CLK1: variants seen among roughly 807,000 people sequenced by gnomAD.
The protein encoded by CLK1 is dual specificity protein kinase CLK1.
CLK1 carries 40 observed loss-of-function variants against 60.9 expected under a neutral mutation model. The ratio of observed to expected loss-of-function variants is 0.66; its 90% CI spans 0.51 to 0.86. The LOEUF is 0.86. Ranked by LOEUF, CLK1 falls within the 40% of genes least tolerant of loss-of-function variation. The pLI is 0.00. For missense variants in CLK1, 563 were observed against 606.1 expected, an observed-to-expected ratio of 0.93 and a Z score of 0.75; for synonymous variants, 203 against 184.4, an observed-to-expected ratio of 1.10 and a Z score of -0.82.
chr2:200,863,956 C>G (rs576607024), intron 1 of CLK1: 4 of 937,114 alleles, frequency 4.3e-6, no homozygotes, highest in Non-Finnish European at 6.0e-6. Context: ...TCAAATACAC[C>G]CCAGCATTTC....
Position 200,864,562 on chromosome 2 carries a change from A to T in CLK1, c.-1+2T>A, listed in dbSNP as rs999740972. 1 of 274,764 alleles carries T rather than the reference A, an allele frequency of 3.6e-6. No individual in the cohort carries two copies. The highest frequency in any genetic ancestry group is 2.2e-5 in the African/African-American group (1 of 45,084). 17.0% of individuals were successfully genotyped at this position (274,764 alleles called of 1,614,324 possible). A position where few individuals can be genotyped will look rare whatever the true frequency, so the allele number is the denominator to read the frequency against. The stretch of plus-strand genomic sequence containing the variant: ...CCTAGTCCGCTCCCTCCTGCGTCTT[A>T]CCGTCCTGGACAAAGACTCCAAGTC... On this transcript the variant is annotated splice_donor_variant, in intron 1 of 12. Coordinates refer to ENST00000321356, the MANE Select transcript of CLK1 (RefSeq NM_004071.4). LOFTEE classifies it low-confidence loss of function (5UTR_SPLICE).
intron 1 of CLK1, among the ~76,000 whole-genome samples, chr2:200,863,446 T>G (rs1359737214): frequency 1.3e-5 from 2 of 152,040 alleles, no homozygotes; most frequent in East Asian, 1.9e-4. Flanking sequence ...TAGTCCCAAC[T>G]ACTCAGGAGG....
chr2:200,856,833 T>C (rs1263505951), intron 8 of CLK1, 22 bp from the exon 9 acceptor site: 2 of 1,612,576 alleles, frequency 1.2e-6, no homozygotes, highest in Non-Finnish European at 1.7e-6. Context: ...AAATGATGGT[T>C]AAGAAGGCAT....
intron 1 of CLK1, chr2:200,864,013 A>T (rs2039186441): frequency 7.0e-7 from 1 of 1,420,836 alleles, no homozygotes; most frequent in African/African-American, 1.5e-5. Flanking sequence ...ACCACTGAGG[A>T]CAAAGCCACT....
intron 10 of CLK1, 48 bp from the exon 11 acceptor site, chr2:200,854,743 GAC>G (rs768894843): frequency 2.2e-6 from 3 of 1,344,804 alleles, no homozygotes; most frequent in South Asian, 1.2e-5. Flanking sequence ...CACCAAAACA[GAC>G]ACAGTTAAAG....
chr2:200,863,673 G>C (rs1186649661), intron 1 of CLK1, among the ~76,000 whole-genome samples: 1 of 152,104 alleles, frequency 6.6e-6, no homozygotes, highest in African/African-American at 2.4e-5. Context: ...GCTTAATATG[G>C]TGAAACTCTG....
intron 1 of CLK1, among the ~76,000 whole-genome samples, chr2:200,862,805 T>C (rs1339562058): frequency 1.3e-5 from 2 of 152,244 alleles, no homozygotes; most frequent in East Asian, 3.8e-4. Context: ...TCTGAGTTGC[T>C]GACAGAATCA....
In CLK1 at chr2:200,857,995, T is replaced by C. The variant is rs751024688; in HGVS notation, c.643A>G (p.Thr215Ala). The change falls in exon 6 of 13, where the codon ACA (threonine) becomes GCA (alanine). Residue 215 changes from threonine to alanine, a missense_variant. By Grantham distance (58) the Thr-to-Ala change is moderately conservative. This residue lies in a region of CLK1 where 360 missense variants were observed against 407.0 expected (regional missense o/e 0.88). Coordinates refer to ENST00000321356, the MANE Select transcript of CLK1 (RefSeq NM_004071.4). The stretch of plus-strand genomic sequence containing the variant: ...TACAAAGTACTGTTGGGGTCTGTTG[T>C]ATTCAGATGTTCCAGAACTTGTATT... ...SEIQVLEHLN[T>A]TDPNSTFRCV... 1 of 1,613,976 alleles carries C rather than the reference T, an allele frequency of 6.2e-7. No individual in the cohort carries two copies. Among genetic ancestry groups the C allele is most frequent in the Non-Finnish European group, 8.5e-7 (1 of 1,179,870 alleles).
chr2:200,857,940 A>G, intron 6 of CLK1, 33 bp downstream of exon 6: 1 of 1,610,970 alleles, frequency 6.2e-7, no homozygotes, highest in Non-Finnish European at 8.5e-7. Context: ...AATATACCTG[A>G]TACCACTTCC....
intron 12 of CLK1, 133 bp downstream of exon 12, chr2:200,853,770 G>A: frequency 1.8e-6 from 1 of 546,522 alleles, no homozygotes; most frequent in Non-Finnish European, 3.1e-6. Flanking sequence ...AGCCTAGGAT[G>A]CAGAGGTTGC....
At chr2:200,862,924 C>G (rs2039164632) in intron 1 of CLK1, among the ~76,000 whole-genome samples, 1 of 151,468 alleles carries the variant, frequency 6.6e-6, no homozygotes, top group African/African-American at 2.4e-5. Context: ...CACCATCTTT[C>G]CAGTACCACT....
rs1559326829 is a variant in CLK1 at position 200,856,997 on chromosome 2, G to C, written c.833-12C>G. On this transcript the variant is annotated splice_polypyrimidine_tract_variant and intron_variant, in intron 7 of 12. Transcript: ENST00000321356. ...ATTACTGTGCAAAACTGAGAATAAA[G>C]AGAAAGTTGCTGTAATCAGAAAACA... 14 of 1,607,744 alleles carry C rather than the reference G, an allele frequency of 8.7e-6. No individual in the cohort carries two copies. The highest frequency in any genetic ancestry group is 1.1e-5 in the Non-Finnish European group (13 of 1,175,196).
intron 7 of CLK1, 36 bp from the exon 8 acceptor site, chr2:200,857,021 CACCAA>C (rs1188554337): frequency 7.1e-6 from 11 of 1,555,872 alleles, no homozygotes; most frequent in African/African-American, 1.4e-5. Flanking sequence ...AATCAGAAAA[CACCAA>C]ACCAAACCAA....
At chr2:200,860,524 C>T (rs2039119985) in intron 3 of CLK1, 1 of 1,080,680 alleles carries the variant, frequency 9.3e-7, no homozygotes, top group African/African-American at 1.6e-5. Flanking sequence ...TTGTAGCATT[C>T]ACTGAAACAT....
At chr2:200,858,168 T>C (rs543102275) in intron 5 of CLK1, 79 bp from the exon 6 acceptor site, 1 of 931,128 alleles carries the variant, frequency 1.1e-6, no homozygotes, top group Admixed American at 1.7e-5. Context: ...CAAACTGTAC[T>C]ACTACTCTGA....
At chr2:200,859,955 T>C (rs1459440561) in intron 4 of CLK1, 170 bp downstream of exon 4, 2 of 1,431,086 alleles carry the variant, frequency 1.4e-6, no homozygotes, top group Non-Finnish European at 1.8e-6. Context: ...ATAACAAACA[T>C]TACATTTCTA....
Position 200,853,885 on chromosome 2 carries a change from A to T in CLK1, c.1311+18T>A. ...GAAACTCAGTTTTGACTATTTGAGC[A>T]ATGTCTCAAAGGCTTACCTTCAGAG... On this transcript the variant is annotated intron_variant, in intron 12 of 12. Coordinates refer to ENST00000321356, the MANE Select transcript of CLK1 (RefSeq NM_004071.4). 6.4e-7 allele frequency: 1 copy of T among 1,561,558 alleles called. No individual in the cohort carries two copies. Among genetic ancestry groups the T allele is most frequent in the South Asian group, 1.1e-5 (1 of 87,074 alleles).
chr2:200,855,356 G>A (rs1407570981), intron 9 of CLK1, among the ~76,000 whole-genome samples: 1 of 151,934 alleles, frequency 6.6e-6, no homozygotes, highest in South Asian at 2.1e-4. Flanking sequence ...AGTGGCTCAC[G>A]CTACAGGCAT....
At chr2:200,858,434 C>T (rs1398256329) in intron 5 of CLK1, among the ~76,000 whole-genome samples, 4 of 152,158 alleles carry the variant, frequency 2.6e-5, no homozygotes, top group Admixed American at 6.5e-5. Flanking sequence ...GTGGCTCTCA[C>T]GCCTATAATC....
Sources: allele counts gnomAD v4.1 joint callset (sites outside exome capture counted in the v4.1 genomes callset), GRCh38; gene constraint gnomAD v4.1.1; regional missense constraint gnomAD v4.1.1; transcripts MANE v1.5; gene names NCBI Gene and HGNC (gene_info 2026-07-23, HGNC 2026-07-21).